Variants in WDR17 observed in about 807,000 individuals in gnomAD.
The protein encoded by WDR17 is WD repeat-containing protein 17.
WDR17 carries 143 observed loss-of-function variants against 161.7 expected under a neutral mutation model. The observed-to-expected ratio is 0.88, with a 90% CI of 0.77 to 1.02. WDR17 has a LOEUF of 1.02. Ranked by LOEUF, WDR17 falls within the 50% of genes least tolerant of loss-of-function variation. The pLI, the probability that WDR17 is intolerant of heterozygous loss-of-function variation, is 0.00. For synonymous variants in WDR17, 517 were observed against 515.6 expected (o/e 1.00, Z -0.04); for missense variants, 1,469 against 1,520.9 (o/e 0.97, Z 0.57).
At chr4:176,090,875 T>C (rs148540382) in intron 1 of WDR17, among the ~76,000 whole-genome samples, 1,776 of 152,150 alleles carry the variant, frequency 0.012, 19 homozygotes, top group Non-Finnish European at 0.019. Flanking sequence ...AGGGATGGGC[T>C]GAAATAAAGG....
rs1743455698 is a variant in WDR17, at chr4:176,131,553, G to A, written c.914-1G>A. On this transcript the variant is annotated splice_acceptor_variant, in intron 6 of 28. Transcript: ENST00000508596. LOFTEE classifies it high-confidence loss of function. ...TAGGATTTTTTTTCTTCTATTTTTA[G>A]TTTCAGTCCAATCTCCAACCAAAAA... is the stretch of plus-strand genomic sequence containing the variant. The A allele has an allele frequency of 6.3e-7, 1 of 1,586,876 alleles. No homozygotes were observed. The highest frequency in any genetic ancestry group is 8.6e-7 in the Non-Finnish European group (1 of 1,168,240).
At chr4:176,071,299 T>C (rs1039310052) in intron 1 of WDR17, among the ~76,000 whole-genome samples, 6 of 151,392 alleles carry the variant, frequency 4.0e-5, no homozygotes, top group Admixed American at 1.3e-4. Flanking sequence ...ATTGAAAATA[T>C]GTGATTTCTC....
intron 8 of WDR17, among the ~76,000 whole-genome samples, chr4:176,136,062 G>C (rs1744349408): frequency 6.6e-6 from 1 of 151,558 alleles, no homozygotes; most frequent in African/African-American, 2.4e-5. Context: ...AGAAATTTAT[G>C]AATAATTTTT....
intron 1 of WDR17, among the ~76,000 whole-genome samples, chr4:176,095,634 C>T (rs1736735054): frequency 6.6e-6 from 1 of 151,828 alleles, no homozygotes; most frequent in Non-Finnish European, 1.5e-5. Flanking sequence ...TCCTTTGTTG[C>T]TTAATACCCT....
chr4:176,162,104 C>A lies in WDR17; in HGVS notation c.2780C>A (p.Ala927Glu). 6.2e-7 allele frequency: 1 copy of A among 1,613,014 alleles called. No homozygotes were observed. The change falls in exon 21 of 29, where the codon GCA becomes GAA. Residue 927 changes from alanine (A) to glutamate (E), a missense_variant. Transcript: ENST00000508596. ...CTGCACAAAGTCAGTAAAGAACTGG[C>A]AGAATGGTATTTTCAAGATGGTCGA... ...ELLHKVSKEL[A>E]EWYFQDGRAV...
chr4:176,131,507 A>G, intron 6 of WDR17, 47 bp from the exon 7 acceptor site: 1 of 1,491,578 alleles, frequency 6.7e-7, no homozygotes, highest in South Asian at 1.4e-5. Flanking sequence ...TTCTAAATTA[A>G]GCTCTGTGGT....
intron 16 of WDR17, among the ~76,000 whole-genome samples, chr4:176,151,333 A>G (rs1747073191): frequency 6.6e-6 from 1 of 152,120 alleles, no homozygotes; most frequent in Non-Finnish European, 1.5e-5. Flanking sequence ...GTTCTGTGTA[A>G]CTACAACACC....
intron 20 of WDR17, among the ~76,000 whole-genome samples, chr4:176,161,477 A>G (rs1749024283): frequency 6.6e-6 from 1 of 152,164 alleles, no homozygotes; most frequent in African/African-American, 2.4e-5. Flanking sequence ...AGAAATGGAA[A>G]TGAGAATTTT....
chr4:176,073,879 G>GT (rs1274362974), intron 1 of WDR17, among the ~76,000 whole-genome samples: 5 of 151,370 alleles, frequency 3.3e-5, no homozygotes, highest in Non-Finnish European at 7.4e-5. Context: ...TTTTTCATGT[G>GT]TTTTTTGGCT....
intron 13 of WDR17, among the ~76,000 whole-genome samples, chr4:176,148,641 G>A (rs1441104052): frequency 1.3e-5 from 2 of 152,118 alleles, no homozygotes; most frequent in East Asian, 1.9e-4. Context: ...ATTGCGATGG[G>A]CATATATACA....
rs149504093 is a variant in WDR17 at position 176,173,165 on chromosome 4, G to C, written c.3245-102G>C. ...TGTGATCTAGAAAATAAAGAGGTAA[G>C]TAGGACTGACTGACAGAAAATTAAT... On this transcript the variant is annotated intron_variant, in intron 24 of 28. Coordinates refer to ENST00000508596, the MANE Select transcript of WDR17 (RefSeq NM_181265.4). 6.9e-4 allele frequency: 493 copies of C among 711,602 alleles called. 3 individuals are homozygous for C. The East Asian group carries it at 0.014, about 20-fold the overall frequency. 44.1% of individuals were successfully genotyped at this position (711,602 alleles called of 1,614,324 possible).
rs1006608037 is a variant in WDR17 at position 176,146,541 on chromosome 4, G to A, written c.1694+382G>A. 5.5e-4 allele frequency among the ~76,000 whole-genome samples: 83 copies of A among 152,292 alleles called. 1 individual carries two copies. Among genetic ancestry groups the A allele is most frequent in the African/African-American group, 1.9e-3 (80 of 41,574 alleles). Reference sequence around the variant, plus strand: ...ACTCATGGCAGAACTCACAGATGCTGCGCTGCAGCCTGGAGAGCCTCAGAC... The same window carrying A: ...ACTCATGGCAGAACTCACAGATGCTACGCTGCAGCCTGGAGAGCCTCAGAC... On this transcript the variant is annotated intron_variant, in intron 12 of 28. Transcript: ENST00000508596.
chr4:176,084,297 G>A (rs149928437), intron 1 of WDR17, among the ~76,000 whole-genome samples: 72 of 152,232 alleles, frequency 4.7e-4, no homozygotes, highest in African/African-American at 1.7e-3. Flanking sequence ...AGGTGAAGGG[G>A]AACTGGTGTG....
chr4:176,179,335 T>G, intron 28 of WDR17, 125 bp from the exon 29 acceptor site: 1 of 1,130,220 alleles, frequency 8.8e-7, no homozygotes, highest in South Asian at 3.4e-5. Flanking sequence ...ATAGTCTTCA[T>G]TTTTTTATTA....
chr4:176,128,698 C>T, intron 5 of WDR17, 40 bp from the exon 6 acceptor site: 1 of 1,578,846 alleles, frequency 6.3e-7, no homozygotes, highest in Non-Finnish European at 8.6e-7. Flanking sequence ...TAGTTTCATA[C>T]AAAACTTGTT....
intron 11 of WDR17, among the ~76,000 whole-genome samples, chr4:176,142,403 T>C (rs1307673524): frequency 6.6e-6 from 1 of 152,190 alleles, no homozygotes; most frequent in African/African-American, 2.4e-5. Flanking sequence ...TTTTTTAATC[T>C]CACTTAGGAA....
chr4:176,161,771 G>A (rs2126851398), intron 20 of WDR17, among the ~76,000 whole-genome samples: 1 of 152,282 alleles, frequency 6.6e-6, no homozygotes, highest in South Asian at 2.1e-4. Context: ...AATTTGACCT[G>A]TAATTCTTCT....
At chr4:176,096,476 T>C (rs1238022871) in intron 1 of WDR17, 1 of 1,527,022 alleles carries the variant, frequency 6.5e-7, no homozygotes, top group South Asian at 1.2e-5. Flanking sequence ...CTGACTATTC[T>C]GATGCCGAGT....
Position 176,150,450 on chromosome 4 carries a change from T to G in WDR17, c.2179-18T>G, listed in dbSNP as rs770970338. 2.5e-6 allele frequency: 4 copies of G among 1,587,256 alleles called. No individual in the cohort carries two copies. Among genetic ancestry groups the G allele is most frequent in the Non-Finnish European group, 3.4e-6 (4 of 1,172,376 alleles). On this transcript the variant is annotated intron_variant, in intron 15 of 28. Coordinates refer to ENST00000508596, the MANE Select transcript of WDR17 (RefSeq NM_181265.4). Reference sequence around the variant, plus strand: ...TTTTAATTCACTATTCCATATTTATTTTTTGTCAACTCTTTAGCCTCCAGG... The same window carrying G: ...TTTTAATTCACTATTCCATATTTATGTTTTGTCAACTCTTTAGCCTCCAGG...
Sources: allele counts gnomAD v4.1 joint callset (sites outside exome capture counted in the v4.1 genomes callset), GRCh38; gene constraint gnomAD v4.1.1; transcripts MANE v1.5; gene names NCBI Gene and HGNC (gene_info 2026-07-23, HGNC 2026-07-21).